BRD7: variants seen among roughly 807,000 people sequenced by gnomAD.
BRD7 encodes the protein bromodomain containing 7, also known as bromodomain-containing protein 7.
A neutral mutation model predicts 82.1 loss-of-function variants in BRD7; 15 were observed. The observed-to-expected ratio is 0.18, with a 90% CI of 0.12 to 0.28. The LOEUF (loss-of-function observed/expected upper bound fraction) is 0.28. BRD7 is among the 10% of genes least tolerant of loss of function. The pLI, the probability that BRD7 is intolerant of heterozygous loss-of-function variation, is 1.00. For missense variants in BRD7, 638 were observed against 779.9 expected (o/e 0.82, Z 2.17); for synonymous variants, 232 against 266.9 (o/e 0.87, Z 1.27).
At chr16:50,364,981 A>T (rs2039083742) in intron 2 of BRD7, among the ~76,000 whole-genome samples, 2 of 152,250 alleles carry the variant, frequency 1.3e-5, no homozygotes, top group African/African-American at 4.8e-5. Flanking sequence ...ACAAAGGTTG[A>T]TAAGCCACGT....
At chr16:50,319,310 T>A in intron 16 of BRD7, 44 bp from the exon 17 acceptor site, 1 of 1,588,350 alleles carries the variant, frequency 6.3e-7, no homozygotes, top group Non-Finnish European at 8.6e-7. Flanking sequence ...GTTTTTACCT[T>A]TTAATTAAAA....
At chr16:50,333,268 A>G (rs900854351) in intron 8 of BRD7, among the ~76,000 whole-genome samples, 2 of 152,226 alleles carry the variant, frequency 1.3e-5, no homozygotes, top group East Asian at 3.8e-4. Flanking sequence ...AAAATCCAGT[A>G]AAAGAGGGTA....
intron 4 of BRD7, among the ~76,000 whole-genome samples, chr16:50,352,491 C>T (rs8046047): frequency 0.57 from 86,002 of 151,970 alleles, 24,950 homozygotes; most frequent in East Asian, 0.69. Context: ...CTATGAATAG[C>T]ACTGCAATTA....
chr16:50,358,937 T>C (rs940066041), intron 2 of BRD7, among the ~76,000 whole-genome samples: 2 of 152,232 alleles, frequency 1.3e-5, no homozygotes, highest in African/African-American at 4.8e-5. Context: ...CCCCACTGTT[T>C]TAGTCTCAGT....
At chr16:50,354,748 T>A in intron 3 of BRD7, 45 bp downstream of exon 3, 1 of 1,584,554 alleles carries the variant, frequency 6.3e-7, no homozygotes, top group Non-Finnish European at 8.6e-7. Flanking sequence ...GCTATAATGA[T>A]TTCAGCCTCC....
intron 2 of BRD7, among the ~76,000 whole-genome samples, chr16:50,362,576 A>G (rs2038973309): frequency 6.6e-6 from 1 of 152,246 alleles, no homozygotes; most frequent in Non-Finnish European, 1.5e-5. Context: ...ATAAATAAAT[A>G]AAATGTGGTA....
At chr16:50,327,848 CCT>C (rs533492330) in intron 9 of BRD7, among the ~76,000 whole-genome samples, 1 of 152,174 alleles carries the variant, frequency 6.6e-6, no homozygotes, top group Non-Finnish European at 1.5e-5. Flanking sequence ...AAAAGGGACT[CCT>C]CTCTCTCTGT....
rs1223909538 is a variant in BRD7 at position 50,318,684 on chromosome 16, G to GTAAC, written c.*523_*526dup. 1 of 152,698 alleles carries GTAAC rather than the reference G, an allele frequency of 6.5e-6. No individual in the cohort carries two copies. The highest frequency in any genetic ancestry group is 1.5e-5 in the Non-Finnish European group (1 of 68,492). 9.5% of individuals were successfully genotyped at this position (152,698 alleles called of 1,614,324 possible). On this transcript the variant is annotated 3_prime_UTR_variant, in exon 17 of 17. Transcript: ENST00000394688. ...GCTTATTACTTTGCTATAGTACTAAGTAACTCCTCTTTCTTTAAAAAACGG... is the reference window on the plus strand; with the variant it reads ...GCTTATTACTTTGCTATAGTACTAAGTAACTAACTCCTCTTTCTTTAAAAAACGG...
intron 6 of BRD7, among the ~76,000 whole-genome samples, chr16:50,335,855 C>T (rs1432291636): frequency 6.6e-6 from 1 of 152,174 alleles, no homozygotes; most frequent in Admixed American, 6.5e-5. Flanking sequence ...ATGGTGACAT[C>T]CTCACCAACA....
chr16:50,345,422 T>C (rs1275997609), intron 5 of BRD7, among the ~76,000 whole-genome samples: 1 of 135,914 alleles, frequency 7.4e-6, no homozygotes, highest in Non-Finnish European at 1.6e-5. Context: ...ATAACAATAT[T>C]AACCTTAAAT....
chr16:50,353,845 G>A (rs1479233319), intron 4 of BRD7, among the ~76,000 whole-genome samples: 5 of 150,014 alleles, frequency 3.3e-5, no homozygotes, highest in East Asian at 3.9e-4. Flanking sequence ...TGATCTGCCC[G>A]CCTCGGCCTC....
At chr16:50,364,863 C>T (rs2039078456) in intron 2 of BRD7, among the ~76,000 whole-genome samples, 1 of 152,166 alleles carries the variant, frequency 6.6e-6, no homozygotes, top group Admixed American at 6.5e-5. Context: ...ATTAATGTAT[C>T]AATGGGATTA....
chr16:50,326,014 TTC>T, intron 10 of BRD7, 131 bp from the exon 11 acceptor site: 1 of 1,001,900 alleles, frequency 1.0e-6, no homozygotes, highest in Non-Finnish European at 1.4e-6. Context: ...CTAAGATATT[TTC>T]TCTCAAACAG....
Position 50,361,286 on chromosome 16 carries a change from G to A in BRD7, c.259-6364C>T, listed in dbSNP as rs141088138. Among the ~76,000 whole-genome samples, 62 of 152,312 alleles carry A rather than the reference G, an allele frequency of 4.1e-4. No homozygotes were observed. The East Asian group carries it at 0.011, about 27-fold the overall frequency. ...GGAATTTACTGTAATTTTCATTAAA[G>A]TTTTACTTAATTTTAGCTTTATATA... On this transcript the variant is annotated intron_variant, in intron 2 of 16. Coordinates refer to ENST00000394688, the MANE Select transcript of BRD7 (RefSeq NM_013263.5).
chr16:50,340,129 C>A, intron 5 of BRD7, 43 bp from the exon 6 acceptor site: 1 of 1,133,574 alleles, frequency 8.8e-7, no homozygotes, highest in Non-Finnish European at 1.3e-6. Flanking sequence ...TAATGCAAAA[C>A]AAACTACCCT....
At chr16:50,368,431 G>C (rs2039236883) in intron 1 of BRD7, 133 bp from the exon 2 acceptor site, 19 of 1,006,780 alleles carry the variant, frequency 1.9e-5, no homozygotes, top group Non-Finnish European at 2.7e-5. Flanking sequence ...AGCACCTGTT[G>C]AATGACGGAC....
chr16:50,347,558 A>G lies in BRD7; in HGVS notation c.591+2465T>C, dbSNP rs1299064741. ...CCTTAAGCTGATAAGCAACTTCAGC[A>G]AAGTCTCAGGATACAAAATCAATGT... On this transcript the variant is annotated intron_variant, in intron 5 of 16. Coordinates refer to ENST00000394688, the MANE Select transcript of BRD7 (RefSeq NM_013263.5). 2.0e-5 allele frequency among the ~76,000 whole-genome samples: 3 copies of G among 152,358 alleles called. No individual in the cohort carries two copies. In the South Asian group the frequency reaches 6.2e-4, roughly 32 times the overall value.
At chr16:50,353,703 C>A (rs920055401) in intron 4 of BRD7, among the ~76,000 whole-genome samples, 1 of 151,828 alleles carries the variant, frequency 6.6e-6, no homozygotes, top group Non-Finnish European at 1.5e-5. Flanking sequence ...ACACCATTCT[C>A]CTGCCTCAGC....
chr16:50,354,746 G>C (rs4407056), intron 3 of BRD7, 47 bp downstream of exon 3: 1 of 1,578,676 alleles, frequency 6.3e-7, no homozygotes, highest in Non-Finnish European at 8.6e-7. Flanking sequence ...GAGCTATAAT[G>C]ATTTCAGCCT....
Sources: gnomAD v4.1 joint callset for allele counts (sites outside exome capture counted in the v4.1 genomes callset) on GRCh38, gnomAD v4.1.1 for gene constraint, MANE v1.5 for transcripts, NCBI Gene and HGNC (gene_info 2026-07-23, HGNC 2026-07-21) for gene names.